Variants in CSMD1 observed in about 807,000 individuals in gnomAD.
The protein encoded by CSMD1 is CUB and sushi domain-containing protein 1.
CSMD1 carries 213 observed loss-of-function variants against 417.5 expected under a neutral mutation model. That is an observed-to-expected ratio of 0.51 (90% CI 0.46 to 0.57). The LOEUF (loss-of-function observed/expected upper bound fraction) is 0.57, where lower values mean the gene tolerates loss of function less well. Ranked by LOEUF, CSMD1 falls within the 20% of genes least tolerant of loss-of-function variation. CSMD1 has a pLI of 0.00. For missense variants in CSMD1, 6,923 were observed against 4,529.7 expected (o/e 1.53, Z -15.17); for synonymous variants, 2,862 against 1,736.8 (o/e 1.65, Z -16.11).
chr8:4,723,374 G>T (rs992947347), intron 1 of CSMD1, among the ~76,000 whole-genome samples: 1 of 152,130 alleles, frequency 6.6e-6, no homozygotes, highest in Non-Finnish European at 1.5e-5. Flanking sequence ...CTCAACTCAT[G>T]AAAAACATGT....
At chr8:3,790,908 C>G (rs140051551) in intron 5 of CSMD1, among the ~76,000 whole-genome samples, 23 of 152,252 alleles carry the variant, frequency 1.5e-4, no homozygotes, top group African/African-American at 5.1e-4. Context: ...TGTGTCAAAA[C>G]TGTCAGGTCC....
chr8:3,893,166 G>A (rs79750572), intron 5 of CSMD1, among the ~76,000 whole-genome samples: 2,503 of 151,492 alleles, frequency 0.017, 68 homozygotes, highest in African/African-American at 0.057. Flanking sequence ...AGCCAAAGCT[G>A]CAGTGAAAAA....
At chr8:4,576,661 C>A (rs1392954299) in intron 2 of CSMD1, among the ~76,000 whole-genome samples, 1 of 152,012 alleles carries the variant, frequency 6.6e-6, no homozygotes. Flanking sequence ...TACATGAAAA[C>A]AATGTAAAAT....
chr8:4,287,964 A>G (rs981083918), intron 3 of CSMD1, among the ~76,000 whole-genome samples: 3 of 152,128 alleles, frequency 2.0e-5, no homozygotes, highest in African/African-American at 4.8e-5. Flanking sequence ...GCAAATCCCA[A>G]GACAATATGA....
chr8:3,970,796 AG>A (rs370248340), intron 5 of CSMD1, among the ~76,000 whole-genome samples: 1 of 152,168 alleles, frequency 6.6e-6, no homozygotes, highest in African/African-American at 2.4e-5. Flanking sequence ...CTTGTTACCC[AG>A]GCTGGAGTCC....
At chr8:3,598,243 G>A (rs1422070590) in intron 8 of CSMD1, 1 of 152,214 alleles carries the variant, frequency 6.6e-6, no homozygotes, top group Non-Finnish European at 1.5e-5. Context: ...GTGCTGTGTA[G>A]ATGCATGAAC....
intron 5 of CSMD1, among the ~76,000 whole-genome samples, chr8:3,810,192 A>C (rs554488537): frequency 6.6e-6 from 1 of 152,178 alleles, no homozygotes; most frequent in African/African-American, 2.4e-5. Context: ...TACATGTCCA[A>C]TGAGTCAGGA....
In CSMD1 at chr8:3,339,081, C is replaced by T. The variant is rs899476021; in HGVS notation, c.3631+4213G>A. Among the ~76,000 whole-genome samples, 7 of 147,144 alleles carry T rather than the reference C, an allele frequency of 4.8e-5. No homozygotes were observed. In the South Asian group the frequency reaches 8.6e-4, roughly 18 times the overall value. On this transcript the variant is annotated intron_variant, in intron 23 of 69. Coordinates refer to ENST00000635120, the MANE Select transcript of CSMD1 (RefSeq NM_033225.6). The stretch of plus-strand genomic sequence containing the variant: ...ATTCCCACCTATGAGTGAGAATATG[C>T]GGTGTTTGGTTGTTTGTTCTTGCGA...
chr8:4,221,123 G>C (rs147551728), intron 3 of CSMD1, among the ~76,000 whole-genome samples: 60 of 152,258 alleles, frequency 3.9e-4, no homozygotes, highest in African/African-American at 1.4e-3. Flanking sequence ...ACAAGACAGA[G>C]AATAGAAATG....
At chr8:3,483,717 G>C (rs1374807000) in intron 11 of CSMD1, among the ~76,000 whole-genome samples, 1 of 152,134 alleles carries the variant, frequency 6.6e-6, no homozygotes. Flanking sequence ...TATCTTTTAT[G>C]AATGTAGTTG....
chr8:3,461,952 C>A (rs1816532655), intron 12 of CSMD1, among the ~76,000 whole-genome samples: 1 of 152,172 alleles, frequency 6.6e-6, no homozygotes, highest in Non-Finnish European at 1.5e-5. Context: ...CTCACATGGG[C>A]CGGACAGGAG....
intron 3 of CSMD1, among the ~76,000 whole-genome samples, chr8:4,322,226 T>C (rs1266559219): frequency 6.6e-6 from 1 of 152,250 alleles, no homozygotes; most frequent in Non-Finnish European, 1.5e-5. Flanking sequence ...ATAATTCACA[T>C]GTAATTTTAT....
intron 10 of CSMD1, among the ~76,000 whole-genome samples, chr8:3,504,037 G>A (rs936975074): frequency 6.6e-6 from 1 of 152,088 alleles, no homozygotes; most frequent in African/African-American, 2.4e-5. Context: ...GCACTGCAGG[G>A]TGACTGTCAT....
chr8:3,801,148 C>CA (rs1008444154), intron 5 of CSMD1, among the ~76,000 whole-genome samples: 3 of 151,736 alleles, frequency 2.0e-5, no homozygotes, highest in African/African-American at 7.3e-5. Flanking sequence ...TTTTCTGCTG[C>CA]AAAGGATACC....
intron 5 of CSMD1, among the ~76,000 whole-genome samples, chr8:3,845,892 C>T (rs1803471147): frequency 6.6e-6 from 1 of 151,590 alleles, no homozygotes; most frequent in African/African-American, 2.4e-5. Context: ...CACACGTTGT[C>T]CTAGGCCTAA....
At chr8:3,349,919 T>G (rs905973453) in intron 21 of CSMD1, among the ~76,000 whole-genome samples, 2 of 143,840 alleles carry the variant, frequency 1.4e-5, no homozygotes. Flanking sequence ...TATATTTATA[T>G]ATTATATTAT....
chr8:3,316,331 T>C (rs544497229), intron 23 of CSMD1, among the ~76,000 whole-genome samples: 5 of 152,104 alleles, frequency 3.3e-5, no homozygotes, highest in Non-Finnish European at 5.9e-5. Context: ...GTAAAAAAAA[T>C]GTTTTCAAAT....
At chr8:4,000,314 G>A (rs181857002) in intron 4 of CSMD1, among the ~76,000 whole-genome samples, 199 of 152,332 alleles carry the variant, frequency 1.3e-3, no homozygotes, top group African/African-American at 4.4e-3. Context: ...TGCCCAGCTC[G>A]CCACAGTTTT....
chr8:3,210,750 G>C (rs1470549687), intron 30 of CSMD1, among the ~76,000 whole-genome samples: 2 of 150,482 alleles, frequency 1.3e-5, no homozygotes, highest in Non-Finnish European at 3.0e-5. Context: ...CACAGAAAAG[G>C]TATTTTTCCT....
Sources: allele counts gnomAD v4.1 joint callset (sites outside exome capture counted in the v4.1 genomes callset), GRCh38; gene constraint gnomAD v4.1.1; transcripts MANE v1.5; gene names NCBI Gene and HGNC (gene_info 2026-07-23, HGNC 2026-07-21).